The following ADCY8 variants were observed in gnomAD, a reference collection of about 807,000 sequenced individuals.
ADCY8 encodes adenylate cyclase type 8.
ADCY8 carries 51 observed loss-of-function variants against 119.7 expected under a neutral mutation model. The observed-to-expected ratio is 0.43, with a 90% CI of 0.34 to 0.54. ADCY8 has a LOEUF of 0.54. Among genes scored for constraint, ADCY8 ranks in the 20% least tolerant of loss-of-function variants. The pLI is 0.03. For synonymous variants in ADCY8, 665 were observed against 651.0 expected (o/e 1.02, Z -0.33); for missense variants, 1,383 against 1,598.8 (o/e 0.87, Z 2.30).
At chr8:130,837,970 G>A (rs1374914547) in intron 11 of ADCY8, among the ~76,000 whole-genome samples, 2 of 152,200 alleles carry the variant, frequency 1.3e-5, no homozygotes, top group African/African-American at 4.8e-5. Flanking sequence ...TATTGGACTT[G>A]ATAATTTCTA....
At chr8:130,798,434 C>T (rs1184587355) in intron 15 of ADCY8, among the ~76,000 whole-genome samples, 3 of 152,136 alleles carry the variant, frequency 2.0e-5, no homozygotes, top group East Asian at 3.8e-4. Context: ...GCATGGCCTC[C>T]AGGCAGAAAG....
At chr8:131,011,467 G>T (rs185491153) in intron 1 of ADCY8, among the ~76,000 whole-genome samples, 82 of 152,248 alleles carry the variant, frequency 5.4e-4, no homozygotes, top group African/African-American at 1.9e-3. Context: ...GGATGGACCT[G>T]GGCCAGCAGG....
chr8:130,814,808 G>T (rs1406376539), intron 13 of ADCY8, among the ~76,000 whole-genome samples: 1 of 152,154 alleles, frequency 6.6e-6, no homozygotes, highest in Non-Finnish European at 1.5e-5. Flanking sequence ...TCTCCACCTG[G>T]ACCCATCCTT....
intron 2 of ADCY8, among the ~76,000 whole-genome samples, chr8:130,982,283 A>G (rs1253238184): frequency 6.6e-6 from 1 of 152,238 alleles, no homozygotes; most frequent in African/African-American, 2.4e-5. Context: ...TAACCCTGAT[A>G]TAAAACAGAA....
At chr8:130,905,625 G>T (rs1223044686) in intron 6 of ADCY8, among the ~76,000 whole-genome samples, 1 of 152,154 alleles carries the variant, frequency 6.6e-6, no homozygotes, top group Non-Finnish European at 1.5e-5. Flanking sequence ...TGAGGAAGCC[G>T]AGACTGGTGA....
intron 1 of ADCY8, among the ~76,000 whole-genome samples, chr8:131,007,511 C>A (rs1002528902): frequency 6.6e-6 from 1 of 152,122 alleles, no homozygotes; most frequent in Non-Finnish European, 1.5e-5. Context: ...CTCTCCCCCA[C>A]CAAAAAAATT....
intron 1 of ADCY8, among the ~76,000 whole-genome samples, chr8:131,007,808 C>A (rs1271950712): frequency 2.6e-5 from 4 of 152,170 alleles, no homozygotes; most frequent in Non-Finnish European, 5.9e-5. Context: ...GATCTCCCTG[C>A]CCTCAAGTAG....
intron 12 of ADCY8, among the ~76,000 whole-genome samples, chr8:130,826,778 T>A (rs1000538400): frequency 7.8e-6 from 1 of 128,266 alleles, no homozygotes; most frequent in Admixed American, 7.9e-5. Flanking sequence ...TGGGGTGGGA[T>A]GGGGTGGGAG....
intron 8 of ADCY8, among the ~76,000 whole-genome samples, chr8:130,871,359 G>C (rs976267): frequency 0.66 from 99,919 of 152,018 alleles, 33,166 homozygotes; most frequent in East Asian, 0.92. Flanking sequence ...GCTAGATTAA[G>C]TGGATTTGAA....
chr8:130,782,444 C>T (rs958378260), intron 17 of ADCY8, among the ~76,000 whole-genome samples: 5 of 152,180 alleles, frequency 3.3e-5, no homozygotes, highest in African/African-American at 1.2e-4. Flanking sequence ...CAGCTGGTTA[C>T]AGCAGACCCA....
At chr8:130,870,176 G>T (rs1818300944) in intron 8 of ADCY8, among the ~76,000 whole-genome samples, 1 of 151,388 alleles carries the variant, frequency 6.6e-6, no homozygotes. Context: ...ACCATGCCTG[G>T]CTAATTTTTG....
intron 1 of ADCY8, among the ~76,000 whole-genome samples, chr8:131,003,358 A>G (rs1184727934): frequency 6.6e-6 from 1 of 152,232 alleles, no homozygotes; most frequent in Admixed American, 6.5e-5. Context: ...GAATTTTTGC[A>G]CAAATTTTAA....
chr8:130,797,796 G>T (rs1490728596), intron 15 of ADCY8, among the ~76,000 whole-genome samples: 5 of 152,218 alleles, frequency 3.3e-5, no homozygotes, highest in African/African-American at 1.2e-4. Flanking sequence ...GAGGCAAGAA[G>T]TGATCACGTC....
chr8:130,919,584 A>G (rs938756929), intron 5 of ADCY8, among the ~76,000 whole-genome samples: 1 of 152,134 alleles, frequency 6.6e-6, no homozygotes, highest in Non-Finnish European at 1.5e-5. Flanking sequence ...TGGTGTCACT[A>G]TTTTTGTCAT....
At chr8:130,990,847 T>G (rs1398894437) in intron 1 of ADCY8, 1 of 207,890 alleles carries the variant, frequency 4.8e-6, no homozygotes, top group African/African-American at 2.3e-5. Context: ...CTCCACCTTA[T>G]CTGTCTCCCC....
intron 15 of ADCY8, among the ~76,000 whole-genome samples, chr8:130,788,973 G>A (rs1815341731): frequency 6.6e-6 from 1 of 152,134 alleles, no homozygotes; most frequent in African/African-American, 2.4e-5. Flanking sequence ...AAAATGCAGA[G>A]TAACCTATTG....
At chr8:130,837,129 C>G (rs1012874397) in intron 11 of ADCY8, among the ~76,000 whole-genome samples, 5 of 152,180 alleles carry the variant, frequency 3.3e-5, no homozygotes, top group Non-Finnish European at 7.3e-5. Context: ...TTTTTGGCAG[C>G]TCTGTCTGCA....
At chr8:130,999,539 T>C (rs1822880734) in intron 1 of ADCY8, among the ~76,000 whole-genome samples, 1 of 152,146 alleles carries the variant, frequency 6.6e-6, no homozygotes, top group Admixed American at 6.5e-5. Context: ...TGGGGTGTCC[T>C]GAGGGGCCCG....
intron 5 of ADCY8, among the ~76,000 whole-genome samples, chr8:130,926,761 C>G (rs1368944932): frequency 1.3e-5 from 2 of 152,074 alleles, no homozygotes; most frequent in Middle Eastern, 3.2e-3. Flanking sequence ...ACCCCTAGAC[C>G]CTGATAATCA....
Sources: gnomAD v4.1 joint callset for allele counts (sites outside exome capture counted in the v4.1 genomes callset) on GRCh38, gnomAD v4.1.1 for gene constraint, MANE v1.5 for transcripts, NCBI Gene and HGNC (gene_info 2026-07-23, HGNC 2026-07-21) for gene names.